The following TMC2 variants were observed in gnomAD, a reference collection of about 807,000 sequenced individuals.
TMC2 encodes transmembrane channel like 2.
In TMC2, 102 loss-of-function variants were observed where a neutral mutation model predicts 105.9. That is an observed-to-expected ratio of 0.96 (90% CI 0.82 to 1.14). The LOEUF is 1.14. TMC2 is among the 50% of genes most tolerant of loss of function. The probability of loss-of-function intolerance (pLI) is 0.00; values close to 1 mark genes in which losing one functional copy is unlikely to be tolerated. For synonymous variants in TMC2, 402 were observed against 422.8 expected (o/e 0.95, Z 0.60); for missense variants, 1,093 against 1,134.3 (o/e 0.96, Z 0.52).
Position 2,641,275 on chromosome 20 carries a change from AT to A in TMC2, c.2647del (p.Ser883LeufsTer27). The stretch of plus-strand genomic sequence containing the variant: ...TCTCGGCCCCCTGGAATCGGACCAG[AT>A]TCTGGCCACGCCCCATCTCAGACTC... ...PISRPPGIGP[D>X]SGHAPSQTHP... On this transcript the variant is annotated frameshift_variant, in exon 20 of 20. Coordinates refer to ENST00000358864, the MANE Select transcript of TMC2 (RefSeq NM_080751.3). LOFTEE classifies it high-confidence loss of function. The A allele has an allele frequency of 6.2e-7, 1 of 1,614,102 alleles. No individual in the cohort carries two copies. The highest frequency in any genetic ancestry group is 2.2e-5 in the East Asian group (1 of 44,870).
Position 2,635,949 on chromosome 20 carries a change from C to G in TMC2, c.2330C>G (p.Ser777Ter). The G allele has an allele frequency of 6.2e-7, 1 of 1,614,174 alleles. No homozygotes were observed. Among genetic ancestry groups the G allele is most frequent in the Non-Finnish European group, 8.5e-7 (1 of 1,180,000 alleles). The change falls in exon 18 of 20, where the codon TCA (serine) becomes TGA (stop). Residue 777 changes from serine to a stop codon, truncating the protein, a stop_gained. Coordinates refer to ENST00000358864, the MANE Select transcript of TMC2 (RefSeq NM_080751.3). LOFTEE classifies it high-confidence loss of function. ...LMFLAIYYLN[S>*]VSKSLSRANA... ...AGCTTGGCCATTTACTACCTGAACT[C>G]AGTTTCCAAAAGCCTTTCCCGAGCT...
intron 10 of TMC2, among the ~76,000 whole-genome samples, chr20:2,600,002 G>A (rs1035171190): frequency 6.6e-6 from 1 of 152,146 alleles, no homozygotes; most frequent in Non-Finnish European, 1.5e-5. Context: ...GCTTTGCAGT[G>A]CATGGAGCAG....
At chr20:2,537,610 G>A (rs958157771) in intron 2 of TMC2, among the ~76,000 whole-genome samples, 3 of 151,656 alleles carry the variant, frequency 2.0e-5, no homozygotes, top group Admixed American at 6.5e-5. Flanking sequence ...AGGGAAGCTC[G>A]GTGCAGGCTT....
At chr20:2,628,167 CAA>C (rs34201766) in intron 17 of TMC2, among the ~76,000 whole-genome samples, 49 of 114,624 alleles carry the variant, frequency 4.3e-4, no homozygotes, top group Middle Eastern at 4.9e-3. Flanking sequence ...GACTCTGTCT[CAA>C]AAAAAAAAAA....
chr20:2,586,538 A>C (rs1375465678), intron 7 of TMC2, among the ~76,000 whole-genome samples: 2 of 152,188 alleles, frequency 1.3e-5, no homozygotes, highest in Non-Finnish European at 2.9e-5. Context: ...GGAAACTTAC[A>C]TCATGATGGA....
chr20:2,624,531 T>A, intron 17 of TMC2, 135 bp downstream of exon 17: 2 of 1,103,254 alleles, frequency 1.8e-6, no homozygotes, highest in African/African-American at 1.6e-5. Flanking sequence ...AGGATTCAAG[T>A]GTAAGTATTT....
At chr20:2,605,355 C>G (rs553882356) in intron 11 of TMC2, among the ~76,000 whole-genome samples, 7 of 152,256 alleles carry the variant, frequency 4.6e-5, no homozygotes, top group African/African-American at 1.2e-4. Flanking sequence ...ATTTGCTCAC[C>G]GTTCTGGAGG....
rs980308512 is a variant in TMC2 at position 2,597,305 on chromosome 20, A to T, written c.1224+7A>T. ...CATCACCACCAGCTTCAAGGTAGTC[A>T]CCCCAGGGCAGTTCCCACTTCCGGA... On this transcript the variant is annotated splice_region_variant and intron_variant, in intron 10 of 19. Transcript: ENST00000358864. The T allele has an allele frequency of 6.2e-7, 1 of 1,612,300 alleles. No homozygotes were observed. Among genetic ancestry groups the T allele is most frequent in the Non-Finnish European group, 8.5e-7 (1 of 1,178,700 alleles).
chr20:2,581,711 G>A (rs2086191341), intron 7 of TMC2, among the ~76,000 whole-genome samples: 2 of 152,212 alleles, frequency 1.3e-5, no homozygotes, highest in African/African-American at 2.4e-5. Context: ...CTGAAATTTT[G>A]CTGTGCAGTG....
chr20:2,594,867 A>G lies in TMC2; in HGVS notation c.976A>G (p.Asn326Asp). The G allele has an allele frequency of 6.2e-7, 1 of 1,614,142 alleles. No homozygotes were observed. The highest frequency in any genetic ancestry group is 1.1e-5 in the South Asian group (1 of 91,074). Residue 326 changes from asparagine (N) to aspartate (D), a missense_variant, in exon 9 of 20, where the codon AAC becomes GAC. Physicochemically the swap from Asn to Asp is conservative, Grantham distance 23. Coordinates refer to ENST00000358864, the MANE Select transcript of TMC2 (RefSeq NM_080751.3). ...TGCACTCTTCTATGGCTACTACAAC[A>G]ACCAGAGGACCATCGGGTGGCTGAG... ...YSALFYGYYN[N>D]QRTIGWLRYR... is the part of the protein sequence containing the mutation.
intron 7 of TMC2, among the ~76,000 whole-genome samples, chr20:2,582,348 C>T (rs771581501): frequency 1.1e-4 from 17 of 152,158 alleles, no homozygotes; most frequent in African/African-American, 1.4e-4. Context: ...CAAGGGTTTT[C>T]AGCATAAGCT....
chr20:2,566,355 T>A (rs189466154), intron 4 of TMC2, among the ~76,000 whole-genome samples: 2 of 152,352 alleles, frequency 1.3e-5, no homozygotes, highest in Admixed American at 6.5e-5. Context: ...CCTGACACTA[T>A]GCTGAGCCCT....
At chr20:2,599,539 ATTTTTTT>A (rs11409325) in intron 10 of TMC2, among the ~76,000 whole-genome samples, 2 of 85,512 alleles carry the variant, frequency 2.3e-5, no homozygotes, top group African/African-American at 4.8e-5. Context: ...CTTTAATTAC[ATTTTTTT>A]TTTTTTTTTT....
At chr20:2,546,490 A>ATAAGCTGTAGATCTTGGGCG (rs1233163112) in intron 2 of TMC2, among the ~76,000 whole-genome samples, 17 of 152,332 alleles carry the variant, frequency 1.1e-4, no homozygotes, top group African/African-American at 3.8e-4. Context: ...AGAGTTGGGC[A>ATAAGCTGTAGATCTTGGGCG]TAAGCTGTAG....
At chr20:2,595,963 G>A (rs1305021543) in intron 9 of TMC2, among the ~76,000 whole-genome samples, 9 of 152,188 alleles carry the variant, frequency 5.9e-5, no homozygotes, top group Non-Finnish European at 1.3e-4. Context: ...CAGGCAAAAG[G>A]AAAAGAACAA....
chr20:2,611,957 G>A lies in TMC2; in HGVS notation c.1594-234G>A, dbSNP rs1277109712. 4.6e-5 allele frequency among the ~76,000 whole-genome samples: 7 copies of A among 152,108 alleles called. No individual in the cohort carries two copies. The South Asian group carries it at 1.5e-3, about 32-fold the overall frequency. On this transcript the variant is annotated intron_variant, in intron 12 of 19. Transcript: ENST00000358864. ...AGACAAGTGGATGGATGGACAGACG[G>A]ACAGATGAATGCTGACTTAGAGTAG...
At chr20:2,611,829 A>AATGGATGGATGGATGG (rs556611452) in intron 12 of TMC2, among the ~76,000 whole-genome samples, 15 of 111,480 alleles carry the variant, frequency 1.3e-4, no homozygotes, top group African/African-American at 5.1e-4. Context: ...TAGATGGATG[A>AATGGATGGATGGATGG]ATGGATGGAT....
chr20:2,595,546 G>A (rs1164068021), intron 9 of TMC2, among the ~76,000 whole-genome samples: 1 of 152,200 alleles, frequency 6.6e-6, no homozygotes, highest in African/African-American at 2.4e-5. Context: ...ACTTGTCTCT[G>A]TGGTCAGAAG....
chr20:2,562,072 G>A (rs1362147007), intron 4 of TMC2, 62 bp downstream of exon 4: 5 of 1,549,692 alleles, frequency 3.2e-6, no homozygotes, highest in Non-Finnish European at 4.4e-6. Flanking sequence ...GATGGGAATG[G>A]GAGCCCTCCC....
Sources: gnomAD v4.1 joint callset for allele counts (sites outside exome capture counted in the v4.1 genomes callset) on GRCh38, gnomAD v4.1.1 for gene constraint, MANE v1.5 for transcripts, NCBI Gene and HGNC (gene_info 2026-07-23, HGNC 2026-07-21) for gene names.